The following SGCZ variants were observed in gnomAD, a reference collection of about 807,000 sequenced individuals.
SGCZ encodes zeta-sarcoglycan.
Under a neutral mutation model 41.3 loss-of-function variants are expected in SGCZ, and 40 were observed. The ratio of observed to expected loss-of-function variants is 0.97; its 90% CI spans 0.75 to 1.26. The LOEUF is 1.26. Among genes scored for constraint, SGCZ ranks in the 50% most tolerant of loss-of-function variants. The pLI is 0.00. For synonymous variants in SGCZ, 206 were observed against 137.5 expected (o/e 1.50, Z -3.49); for missense variants, 552 against 369.8 (o/e 1.49, Z -4.04).
intron 1 of SGCZ, among the ~76,000 whole-genome samples, chr8:15,187,344 C>A (rs60389375): frequency 0.063 from 9,571 of 152,154 alleles, 328 homozygotes; most frequent in Non-Finnish European, 0.069. Flanking sequence ...GCTTTTCCAT[C>A]TTATTTCCCA....
intron 1 of SGCZ, among the ~76,000 whole-genome samples, chr8:14,607,102 G>C (rs1229805313): frequency 1.3e-5 from 2 of 152,098 alleles, no homozygotes; most frequent in Non-Finnish European, 2.9e-5. Flanking sequence ...CTGGTCCTCA[G>C]TTTTTTCATC....
At chr8:14,789,854 TC>T (rs1299950285) in intron 1 of SGCZ, among the ~76,000 whole-genome samples, 1 of 152,164 alleles carries the variant, frequency 6.6e-6, no homozygotes, top group Non-Finnish European at 1.5e-5. Context: ...TACATTTACT[TC>T]CATGTATGTG....
At chr8:14,874,454 T>C (rs1210173545) in intron 1 of SGCZ, among the ~76,000 whole-genome samples, 1 of 152,116 alleles carries the variant, frequency 6.6e-6, no homozygotes, top group African/African-American at 2.4e-5. Context: ...ATAAAAATCC[T>C]TGGGGATGGG....
intron 1 of SGCZ, among the ~76,000 whole-genome samples, chr8:15,024,678 T>C (rs1017380819): frequency 6.6e-6 from 1 of 152,128 alleles, no homozygotes; most frequent in African/African-American, 2.4e-5. Context: ...GGCTCAAGCC[T>C]GTAATCCCAG....
At chr8:14,497,863 T>C (rs1480748846) in intron 2 of SGCZ, among the ~76,000 whole-genome samples, 1 of 152,194 alleles carries the variant, frequency 6.6e-6, no homozygotes, top group Non-Finnish European at 1.5e-5. Flanking sequence ...AGTTAGGTTG[T>C]AGGGCATGCA....
chr8:14,542,985 A>C (rs1203315133), intron 2 of SGCZ, among the ~76,000 whole-genome samples: 1 of 151,990 alleles, frequency 6.6e-6, no homozygotes, highest in African/African-American at 2.4e-5. Context: ...AAAGGGGGAA[A>C]ACCAGTGATT....
At chr8:14,187,407 G>C (rs1804941560) in intron 4 of SGCZ, among the ~76,000 whole-genome samples, 4 of 152,202 alleles carry the variant, frequency 2.6e-5, no homozygotes, top group Admixed American at 2.6e-4. Context: ...ACTTAACCAA[G>C]AATTCAAAGT....
intron 1 of SGCZ, among the ~76,000 whole-genome samples, chr8:15,012,949 G>A (rs1200842957): frequency 6.6e-6 from 1 of 151,690 alleles, no homozygotes; most frequent in Non-Finnish European, 1.5e-5. Flanking sequence ...GTCATGTTTA[G>A]AATGTTTAAA....
intron 1 of SGCZ, among the ~76,000 whole-genome samples, chr8:14,782,121 C>G (rs1800608873): frequency 6.6e-6 from 1 of 152,122 alleles, no homozygotes; most frequent in South Asian, 2.1e-4. Context: ...GCCCAATTTC[C>G]TTGTCTATAA....
intron 1 of SGCZ, among the ~76,000 whole-genome samples, chr8:14,594,337 T>A (rs6530789): frequency 3.3e-5 from 5 of 151,666 alleles, no homozygotes; most frequent in Admixed American, 6.6e-5. Flanking sequence ...CTGGTCCAGG[T>A]ACCTAACCTT....
intron 1 of SGCZ, among the ~76,000 whole-genome samples, chr8:14,713,964 A>T (rs957515245): frequency 3.3e-5 from 5 of 151,886 alleles, no homozygotes; most frequent in Non-Finnish European, 5.9e-5. Flanking sequence ...AAGCATCTGT[A>T]TGTTTGTTTT....
intron 2 of SGCZ, among the ~76,000 whole-genome samples, chr8:14,363,705 C>T (rs1020733572): frequency 6.6e-6 from 1 of 152,130 alleles, no homozygotes; most frequent in Non-Finnish European, 1.5e-5. Flanking sequence ...TTTGTGGCAG[C>T]TGCTGGAGTA....
intron 3 of SGCZ, among the ~76,000 whole-genome samples, chr8:14,292,501 A>C (rs755010684): frequency 2.0e-5 from 3 of 151,968 alleles, no homozygotes; most frequent in Non-Finnish European, 4.4e-5. Flanking sequence ...AATTCAACAT[A>C]CTCTGAAGAT....
At chr8:14,635,473 C>T (rs1242827444) in intron 1 of SGCZ, among the ~76,000 whole-genome samples, 1 of 151,854 alleles carries the variant, frequency 6.6e-6, no homozygotes, top group Non-Finnish European at 1.5e-5. Context: ...TACAGGGGTC[C>T]TCCCTTATCA....
intron 1 of SGCZ, among the ~76,000 whole-genome samples, chr8:15,064,782 C>T (rs1035782575): frequency 1.3e-5 from 2 of 152,168 alleles, no homozygotes; most frequent in Admixed American, 1.3e-4. Flanking sequence ...CTCCCATCTC[C>T]TGCAGGGCCC....
chr8:14,433,789 C>A lies in SGCZ; in HGVS notation c.235-109585G>T, dbSNP rs187480890. 2.0e-5 allele frequency among the ~76,000 whole-genome samples: 3 copies of A among 152,248 alleles called. No homozygotes were observed. In the East Asian group the frequency reaches 5.8e-4, roughly 29 times the overall value. On this transcript the variant is annotated intron_variant, in intron 2 of 7. Coordinates refer to ENST00000382080, the MANE Select transcript of SGCZ (RefSeq NM_139167.4). ...AATTATTTCTAAGCAGTACTAACAT[C>A]AGAATTGTCTGAATAAACTGAAATG...
chr8:14,524,397 G>C (rs1802879206), intron 2 of SGCZ, among the ~76,000 whole-genome samples: 1 of 151,930 alleles, frequency 6.6e-6, no homozygotes, highest in Non-Finnish European at 1.5e-5. Context: ...TCCAGTGACA[G>C]CTTCCTAGTG....
At chr8:14,583,141 C>T (rs1246859649) in intron 1 of SGCZ, among the ~76,000 whole-genome samples, 1 of 150,176 alleles carries the variant, frequency 6.7e-6, no homozygotes, top group Non-Finnish European at 1.5e-5. Context: ...TAAAAGTGTT[C>T]CTATTTCTCC....
intron 3 of SGCZ, among the ~76,000 whole-genome samples, chr8:14,245,732 C>T (rs2117191792): frequency 6.6e-6 from 1 of 152,226 alleles, no homozygotes; most frequent in East Asian, 1.9e-4. Context: ...CAACAATGAA[C>T]TCAAACAAAT....
Sources: gnomAD v4.1 joint callset for allele counts (sites outside exome capture counted in the v4.1 genomes callset) on GRCh38, gnomAD v4.1.1 for gene constraint, MANE v1.5 for transcripts, NCBI Gene and HGNC (gene_info 2026-07-23, HGNC 2026-07-21) for gene names.